SLC24A4: variants seen among roughly 807,000 people sequenced by gnomAD.
SLC24A4 encodes sodium/potassium/calcium exchanger 4.
SLC24A4 carries 53 observed loss-of-function variants against 79.0 expected under a neutral mutation model. That is an observed-to-expected ratio of 0.67 (90% CI 0.54 to 0.84). The LOEUF is 0.84. SLC24A4 is among the 40% of genes least tolerant of loss of function. The probability of loss-of-function intolerance (pLI) is 0.00; values close to 1 mark genes in which losing one functional copy is unlikely to be tolerated. For missense variants in SLC24A4, 731 were observed against 822.0 expected (o/e 0.89, Z 1.35); for synonymous variants, 323 against 323.8 (o/e 1.00, Z 0.03).
intron 1 of SLC24A4, among the ~76,000 whole-genome samples, chr14:92,325,035 T>C (rs1220543201): frequency 2.0e-5 from 3 of 152,220 alleles, no homozygotes; most frequent in African/African-American, 7.2e-5. Flanking sequence ...TTTGAATATC[T>C]TAGTACCTGG....
At chr14:92,390,780 A>G (rs1220171439) in intron 2 of SLC24A4, among the ~76,000 whole-genome samples, 1 of 152,176 alleles carries the variant, frequency 6.6e-6, no homozygotes, top group Non-Finnish European at 1.5e-5. Context: ...CTATTTTAGG[A>G]ATCTTGAGTT....
At chr14:92,368,984 A>C (rs753603948) in intron 2 of SLC24A4, among the ~76,000 whole-genome samples, 24 of 152,058 alleles carry the variant, frequency 1.6e-4, no homozygotes, top group Non-Finnish European at 4.4e-5. Context: ...ATACAAGGAG[A>C]CCAGAATGTT....
In SLC24A4 at chr14:92,391,929, C is replaced by A. The variant is rs1889486605; in HGVS notation, c.242-41983C>A. ...GGCGACCTCAGCCAGCACCTGACTGCAGCTGCGTGAGAGACTCCAAGTGAG... is the reference window on the plus strand; with the variant it reads ...GGCGACCTCAGCCAGCACCTGACTGAAGCTGCGTGAGAGACTCCAAGTGAG... On this transcript the variant is annotated intron_variant, in intron 2 of 16. Transcript: ENST00000532405. 2.6e-5 allele frequency among the ~76,000 whole-genome samples: 4 copies of A among 152,294 alleles called. No homozygotes were observed. In the South Asian group the frequency reaches 8.3e-4, roughly 32 times the overall value.
chr14:92,441,346 C>T lies in SLC24A4; in HGVS notation c.394-743C>T, dbSNP rs1246053082. On this transcript the variant is annotated intron_variant, in intron 4 of 16. Coordinates refer to ENST00000532405, the MANE Select transcript of SLC24A4 (RefSeq NM_153646.4). The surrounding 1 kb of genome is among the most constrained non-coding windows in gnomAD (Gnocchi z 4.6). The stretch of plus-strand genomic sequence containing the variant: ...CGGATCAGAGGATGGGCTCTGTGGC[C>T]AGACATGACCCGGACAGGCAGAACA... Among the ~76,000 whole-genome samples, 2 of 152,156 alleles carry T rather than the reference C, an allele frequency of 1.3e-5. No homozygotes were observed. The highest frequency in any genetic ancestry group is 2.9e-5 in the Non-Finnish European group (2 of 68,032).
At chr14:92,456,693 G>GGACTT (rs1014899110) in intron 12 of SLC24A4, 85 bp downstream of exon 12, 1 of 1,366,830 alleles carries the variant, frequency 7.3e-7, no homozygotes, top group African/African-American at 1.4e-5. Context: ...ATGGAGGCAT[G>GGACTT]GACTTGTAAG....
chr14:92,433,466 G>A (rs935480463), intron 2 of SLC24A4, among the ~76,000 whole-genome samples: 3 of 152,112 alleles, frequency 2.0e-5, no homozygotes, highest in East Asian at 1.9e-4. Flanking sequence ...CTATACTTGC[G>A]AGTGGAATTG....
chr14:92,445,411 T>C (rs1172595669), intron 8 of SLC24A4, 69 bp downstream of exon 8: 1 of 1,492,720 alleles, frequency 6.7e-7, no homozygotes, highest in African/African-American at 1.4e-5. Flanking sequence ...ATTTGTTGGG[T>C]TCCCTGAATC....
At position 92,332,755 on chromosome 14, in the gene SLC24A4, CTCTT is replaced by C. The variant is rs1885549632; in HGVS notation, c.241+6779_241+6782del. Among the ~76,000 whole-genome samples the C allele has an allele frequency of 3.9e-5, 6 of 152,196 alleles. No homozygotes were observed. The South Asian group carries it at 1.2e-3, about 31-fold the overall frequency. ...AATACATGCTCAGACACTAGCTTCTCTCTTTATTATCACTTTTTAATATGCTCAA... is the reference window on the plus strand; with the variant it reads ...AATACATGCTCAGACACTAGCTTCTCTATTATCACTTTTTAATATGCTCAA... On this transcript the variant is annotated intron_variant, in intron 2 of 16. Coordinates refer to ENST00000532405, the MANE Select transcript of SLC24A4 (RefSeq NM_153646.4).
Position 92,354,351 on chromosome 14 carries a change from C to G in SLC24A4, c.241+28373C>G, listed in dbSNP as rs977203362. On this transcript the variant is annotated intron_variant, in intron 2 of 16. Coordinates refer to ENST00000532405, the MANE Select transcript of SLC24A4 (RefSeq NM_153646.4). ...TATTTTCAGTAGAGACGGGGTTTCA[C>G]TGTATTAGTCAGGATGGTCTTGATC... Among the ~76,000 whole-genome samples the G allele has an allele frequency of 2.0e-5, 3 of 152,094 alleles. 1 individual carries two copies.
At chr14:92,446,883 G>A (rs1304763835) in intron 8 of SLC24A4, among the ~76,000 whole-genome samples, 1 of 152,164 alleles carries the variant, frequency 6.6e-6, no homozygotes, top group Non-Finnish European at 1.5e-5. Flanking sequence ...CATAAGGCCT[G>A]GGAGGCTCCT....
chr14:92,448,973 G>A, intron 9 of SLC24A4, 101 bp from the exon 10 acceptor site: 1 of 1,436,366 alleles, frequency 7.0e-7, no homozygotes, highest in South Asian at 1.3e-5. Flanking sequence ...CCACTCCTGG[G>A]CTGTGCTGAC....
chr14:92,362,889 C>T (rs1887615924), intron 2 of SLC24A4, among the ~76,000 whole-genome samples: 1 of 152,230 alleles, frequency 6.6e-6, no homozygotes, highest in African/African-American at 2.4e-5. Flanking sequence ...ACTCAGTCAG[C>T]CAGTGCTGGA....
intron 2 of SLC24A4, among the ~76,000 whole-genome samples, chr14:92,421,408 T>G (rs1387779430): frequency 6.6e-6 from 1 of 152,172 alleles, no homozygotes; most frequent in Non-Finnish European, 1.5e-5. Context: ...GGTTCTGATT[T>G]CTGTCACTGA....
intron 2 of SLC24A4, among the ~76,000 whole-genome samples, chr14:92,424,878 T>G (rs1187114820): frequency 1.1e-5 from 1 of 87,128 alleles, no homozygotes; most frequent in Non-Finnish European, 2.6e-5. Flanking sequence ...CAAGACTCCG[T>G]CTCAAAAAAA....
chr14:92,437,752 C>T (rs1040443425), intron 3 of SLC24A4, among the ~76,000 whole-genome samples: 2 of 152,100 alleles, frequency 1.3e-5, no homozygotes, highest in African/African-American at 2.4e-5. Context: ...CACTTTAGTG[C>T]CTTCCCTAAA....
At chr14:92,463,403 G>T (rs1353947419) in intron 12 of SLC24A4, among the ~76,000 whole-genome samples, 1 of 152,174 alleles carries the variant, frequency 6.6e-6, no homozygotes, top group Non-Finnish European at 1.5e-5. Context: ...TCATTTACAT[G>T]TGCAGTTCCA....
At position 92,356,074 on chromosome 14, in the gene SLC24A4, T is replaced by A. The variant is rs552615258; in HGVS notation, c.241+30096T>A. ...CTGTTTTTCACTTTCAGTATAGTAT[T>A]ATTCAATGAATCACATGAGAGAGTC... On this transcript the variant is annotated intron_variant, in intron 2 of 16. Transcript: ENST00000532405. 4.6e-5 allele frequency among the ~76,000 whole-genome samples: 7 copies of A among 152,374 alleles called. No individual in the cohort carries two copies. In the South Asian group the frequency reaches 1.4e-3, roughly 32 times the overall value.
At chr14:92,405,588 A>C (rs931837419) in intron 2 of SLC24A4, among the ~76,000 whole-genome samples, 7 of 152,184 alleles carry the variant, frequency 4.6e-5, no homozygotes, top group Non-Finnish European at 1.0e-4. Flanking sequence ...AGGAAGCATG[A>C]CTGGGAGGCC....
chr14:92,354,338 A>T (rs1566708237), intron 2 of SLC24A4, among the ~76,000 whole-genome samples: 1 of 151,922 alleles, frequency 6.6e-6, no homozygotes, highest in Non-Finnish European at 1.5e-5. Context: ...TTTTCAGTAG[A>T]GACGGGGTTT....
Sources: allele counts gnomAD v4.1 joint callset (sites outside exome capture counted in the v4.1 genomes callset), GRCh38; gene constraint gnomAD v4.1.1; non-coding constraint Gnocchi (gnomAD v3.1); transcripts MANE v1.5; gene names NCBI Gene and HGNC (gene_info 2026-07-23, HGNC 2026-07-21).